The following CSMD1 variants were observed in gnomAD, a reference collection of about 807,000 sequenced individuals.
The protein encoded by CSMD1 is CUB and sushi domain-containing protein 1.
Under a neutral mutation model 417.5 loss-of-function variants are expected in CSMD1, and 213 were observed. That is an observed-to-expected ratio of 0.51 (90% CI 0.46 to 0.57). The LOEUF is 0.57. Ranked by LOEUF, CSMD1 falls within the 20% of genes least tolerant of loss-of-function variation. CSMD1 has a pLI of 0.00. For synonymous variants in CSMD1, 2,862 were observed against 1,736.8 expected (o/e 1.65, Z -16.11); for missense variants, 6,923 against 4,529.7 (o/e 1.53, Z -15.17).
chr8:4,377,756 A>G (rs1802847477), intron 3 of CSMD1, among the ~76,000 whole-genome samples: 1 of 152,236 alleles, frequency 6.6e-6, no homozygotes, highest in African/African-American at 2.4e-5. Flanking sequence ...CTATTAGGCT[A>G]TCAGGAAAAA....
intron 8 of CSMD1, among the ~76,000 whole-genome samples, chr8:3,607,248 T>A (rs1015439610): frequency 2.0e-5 from 3 of 152,166 alleles, no homozygotes; most frequent in East Asian, 1.9e-4. Context: ...CCTCCACAGC[T>A]TGTCCCACTG....
rs762574992 is a variant in CSMD1, at chr8:3,367,058, T to C, written c.3089A>G (p.Tyr1030Cys). The C allele has an allele frequency of 6.2e-7, 1 of 1,613,698 alleles. No homozygotes were observed. Among genetic ancestry groups the C allele is most frequent in the Non-Finnish European group, 8.5e-7 (1 of 1,179,750 alleles). Residue 1030 changes from tyrosine to cysteine, a missense_variant, in exon 20 of 70, where the codon TAC becomes TGC. Transcript: ENST00000635120. Reference protein sequence around the residue: ...LRFISDFSISYEGFNITFSEY... With the variant: ...LRFISDFSISCEGFNITFSEY... ...TGAAAATGTGATATTGAAGCCCTCG[T>C]ACGAAATTGAGAAGTCTGATATAAA...
chr8:3,424,268 C>A (rs149101420), intron 12 of CSMD1, among the ~76,000 whole-genome samples: 1 of 152,072 alleles, frequency 6.6e-6, no homozygotes, highest in Non-Finnish European at 1.5e-5. Flanking sequence ...TATCATATTT[C>A]TTTGCAAAAG....
intron 3 of CSMD1, among the ~76,000 whole-genome samples, chr8:4,325,007 C>A (rs1799477191): frequency 6.6e-6 from 1 of 152,068 alleles, no homozygotes; most frequent in African/African-American, 2.4e-5. Context: ...CTGGTGTGGT[C>A]ACTCATTGAG....
intron 1 of CSMD1, among the ~76,000 whole-genome samples, chr8:4,677,442 C>G (rs1239553247): frequency 6.6e-6 from 1 of 152,006 alleles, no homozygotes; most frequent in Non-Finnish European, 1.5e-5. Context: ...CTCTCTCCAA[C>G]CTTGTTTCAA....
At chr8:4,291,540 TA>T (rs1288252206) in intron 3 of CSMD1, among the ~76,000 whole-genome samples, 10 of 152,152 alleles carry the variant, frequency 6.6e-5, no homozygotes, top group African/African-American at 1.2e-4. Flanking sequence ...GATTTACACA[TA>T]AAAAAATTGC....
rs954361901 is a variant in CSMD1, at chr8:3,481,170, A to C, written c.1449-12346T>G. ...ACTCCATCTCAAAAAAAAAAAAAAA[A>C]AAAAAAAAACCAGAGTAGTTGGTAG... On this transcript the variant is annotated intron_variant, in intron 11 of 69. Coordinates refer to ENST00000635120, the MANE Select transcript of CSMD1 (RefSeq NM_033225.6). 6.0e-5 allele frequency among the ~76,000 whole-genome samples: 9 copies of C among 150,488 alleles called. No individual in the cohort carries two copies. In the South Asian group the frequency reaches 6.3e-4, roughly 11 times the overall value.
intron 28 of CSMD1, among the ~76,000 whole-genome samples, chr8:3,222,381 C>G (rs981400970): frequency 6.6e-6 from 1 of 152,110 alleles, no homozygotes; most frequent in Admixed American, 6.5e-5. Flanking sequence ...ACACTCATAG[C>G]TCATTGCAGC....
intron 3 of CSMD1, among the ~76,000 whole-genome samples, chr8:4,057,868 G>A (rs1417287196): frequency 6.6e-6 from 1 of 152,114 alleles, no homozygotes; most frequent in Non-Finnish European, 1.5e-5. Context: ...ATTTCTGCAG[G>A]CTGTGTTCTG....
chr8:3,057,002 T>C (rs1472977288), intron 49 of CSMD1, among the ~76,000 whole-genome samples: 2 of 152,128 alleles, frequency 1.3e-5, no homozygotes, highest in Non-Finnish European at 2.9e-5. Flanking sequence ...TAACAGTTAA[T>C]TTTTTGCAGC....
chr8:3,848,325 A>G (rs1803653368), intron 5 of CSMD1, among the ~76,000 whole-genome samples: 2 of 152,214 alleles, frequency 1.3e-5, no homozygotes, highest in Admixed American at 1.3e-4. Flanking sequence ...AGATCACCAC[A>G]TCAAAAGGAG....
At chr8:4,247,735 T>G (rs917086953) in intron 3 of CSMD1, among the ~76,000 whole-genome samples, 2 of 152,196 alleles carry the variant, frequency 1.3e-5, no homozygotes, top group Non-Finnish European at 2.9e-5. Flanking sequence ...TTTGAAAATG[T>G]ATCATCAACT....
intron 5 of CSMD1, among the ~76,000 whole-genome samples, chr8:3,848,485 T>G: frequency 6.8e-6 from 1 of 146,624 alleles, no homozygotes; most frequent in South Asian, 2.3e-4. Context: ...TTAATTGATC[T>G]GGATTTATAC....
chr8:3,002,870 T>A (rs1478568115), intron 52 of CSMD1, among the ~76,000 whole-genome samples: 1 of 152,166 alleles, frequency 6.6e-6, no homozygotes, highest in Non-Finnish European at 1.5e-5. Context: ...CTCTGAGGAA[T>A]TGGCACCAAA....
chr8:4,227,529 C>G (rs1413239067), intron 3 of CSMD1, among the ~76,000 whole-genome samples: 7 of 152,154 alleles, frequency 4.6e-5, no homozygotes, highest in African/African-American at 1.4e-4. Flanking sequence ...CATTATAGAC[C>G]TAACTGAGAA....
intron 3 of CSMD1, among the ~76,000 whole-genome samples, chr8:4,221,931 G>C (rs549060881): frequency 6.6e-6 from 1 of 152,152 alleles, no homozygotes; most frequent in Admixed American, 6.5e-5. Flanking sequence ...GCTAAGGCAA[G>C]GAACCAGTAA....
intron 6 of CSMD1, among the ~76,000 whole-genome samples, chr8:3,741,836 A>C (rs1796821505): frequency 6.6e-6 from 1 of 152,190 alleles, no homozygotes; most frequent in South Asian, 2.1e-4. Context: ...AATGTGCTCA[A>C]GTCGGCTTTA....
chr8:3,395,721 T>C (rs942443415), intron 17 of CSMD1, among the ~76,000 whole-genome samples: 2 of 152,220 alleles, frequency 1.3e-5, no homozygotes, highest in Admixed American at 6.5e-5. Flanking sequence ...TTCCTTCGCC[T>C]CTTGTTACCT....
chr8:4,187,393 T>A (rs1446628585), intron 3 of CSMD1, among the ~76,000 whole-genome samples: 1 of 152,098 alleles, frequency 6.6e-6, no homozygotes, highest in African/African-American at 2.4e-5. Context: ...ATGCCTATAA[T>A]CCCAGCACTT....
Sources: allele counts gnomAD v4.1 joint callset (sites outside exome capture counted in the v4.1 genomes callset), GRCh38; gene constraint gnomAD v4.1.1; transcripts MANE v1.5; gene names NCBI Gene and HGNC (gene_info 2026-07-23, HGNC 2026-07-21).